Variants in PGM5 observed in about 807,000 individuals in gnomAD.
The protein encoded by PGM5 is phosphoglucomutase-like protein 5.
Under a neutral mutation model 59.2 loss-of-function variants are expected in PGM5, and 23 were observed. The observed-to-expected ratio is 0.39, with a 90% CI of 0.28 to 0.55. The LOEUF is 0.55. PGM5 is among the 20% of genes least tolerant of loss of function. The probability of loss-of-function intolerance (pLI) is 0.66; values close to 1 mark genes in which losing one functional copy is unlikely to be tolerated. For synonymous variants in PGM5, 214 were observed against 286.0 expected (o/e 0.75, Z 2.54); for missense variants, 574 against 748.3 (o/e 0.77, Z 2.72).
intron 6 of PGM5, among the ~76,000 whole-genome samples, chr9:68,434,024 A>G (rs1045726925): frequency 6.6e-6 from 1 of 152,096 alleles, no homozygotes; most frequent in Non-Finnish European, 1.5e-5. Flanking sequence ...AACGCATAAA[A>G]TATCAAAGTG....
chr9:68,395,032 T>C (rs1587790056), intron 6 of PGM5, among the ~76,000 whole-genome samples: 1 of 152,176 alleles, frequency 6.6e-6, no homozygotes, highest in African/African-American at 2.4e-5. Context: ...ATATATGTCT[T>C]TGTCAACTAC....
chr9:68,430,844 T>C (rs929833489), intron 6 of PGM5, among the ~76,000 whole-genome samples: 1 of 152,264 alleles, frequency 6.6e-6, no homozygotes, highest in Non-Finnish European at 1.5e-5. Context: ...TTTTGTTACA[T>C]GGTTCTTTCT....
chr9:68,491,464 A>G (rs934779226), intron 9 of PGM5, among the ~76,000 whole-genome samples: 1 of 152,166 alleles, frequency 6.6e-6, no homozygotes, highest in Non-Finnish European at 1.5e-5. Context: ...GGCATTCTCA[A>G]TGGGATGCTA....
At chr9:68,376,267 T>C (rs1298938098) in intron 1 of PGM5, among the ~76,000 whole-genome samples, 1 of 152,214 alleles carries the variant, frequency 6.6e-6, no homozygotes, top group Non-Finnish European at 1.5e-5. Flanking sequence ...CTAAGCTCCC[T>C]TAGCTATTAT....
chr9:68,421,584 G>A (rs1823130220), intron 6 of PGM5, among the ~76,000 whole-genome samples: 1 of 152,028 alleles, frequency 6.6e-6, no homozygotes, highest in African/African-American at 2.4e-5. Context: ...AGGCATGGTG[G>A]TGCGTGCCTG....
At chr9:68,469,626 A>G (rs7022536) in intron 7 of PGM5, among the ~76,000 whole-genome samples, 3,491 of 152,168 alleles carry the variant, frequency 0.023, 103 homozygotes, top group African/African-American at 0.071. Flanking sequence ...CAGTCTTTTG[A>G]GGTTTGCTGG....
At chr9:68,441,238 CT>C (rs1823524882) in intron 6 of PGM5, among the ~76,000 whole-genome samples, 1 of 151,884 alleles carries the variant, frequency 6.6e-6, no homozygotes, top group Non-Finnish European at 1.5e-5. Flanking sequence ...TAAATAATAT[CT>C]TCCAGAAAAA....
chr9:68,525,064 G>T (rs1046241613), intron 10 of PGM5, among the ~76,000 whole-genome samples: 7 of 151,824 alleles, frequency 4.6e-5, no homozygotes, highest in Admixed American at 2.6e-4. Context: ...CTCTCCAATT[G>T]CCCCAGGAAA....
chr9:68,502,363 T>C (rs923784), intron 10 of PGM5, among the ~76,000 whole-genome samples: 66,346 of 152,096 alleles, frequency 0.44, 15,746 homozygotes, highest in Non-Finnish European at 0.52. Flanking sequence ...CCAGAAACAG[T>C]ACAATTGTTT....
chr9:68,378,702 T>A (rs1384470030), intron 2 of PGM5, among the ~76,000 whole-genome samples: 2 of 152,228 alleles, frequency 1.3e-5, no homozygotes, highest in Non-Finnish European at 2.9e-5. Flanking sequence ...ATCAAAGGCC[T>A]GAGAGGCTGA....
chr9:68,439,747 G>A (rs371332886), intron 6 of PGM5, among the ~76,000 whole-genome samples: 6 of 151,108 alleles, frequency 4.0e-5, no homozygotes, highest in East Asian at 3.9e-4. Context: ...GACATGGAAC[G>A]TGTATGGCAG....
At chr9:68,524,493 A>G (rs1467754457) in intron 10 of PGM5, among the ~76,000 whole-genome samples, 1 of 152,252 alleles carries the variant, frequency 6.6e-6, no homozygotes, top group Non-Finnish European at 1.5e-5. Flanking sequence ...CTGGAATTAG[A>G]AAAAACAATG....
intron 6 of PGM5, chr9:68,400,637 A>T (rs148207721): frequency 6.6e-6 from 1 of 152,650 alleles, no homozygotes; most frequent in Non-Finnish European, 1.5e-5. Context: ...AGAAAAATAT[A>T]CCTGACTAAT....
intron 6 of PGM5, among the ~76,000 whole-genome samples, chr9:68,424,559 A>G (rs1424740499): frequency 6.6e-6 from 1 of 152,210 alleles, no homozygotes; most frequent in Non-Finnish European, 1.5e-5. Context: ...CAACATGTGA[A>G]TTTTGGGTCA....
intron 1 of PGM5, among the ~76,000 whole-genome samples, chr9:68,376,864 T>TCTTTCTC (rs1554677806): frequency 8.7e-6 from 1 of 115,220 alleles, no homozygotes; most frequent in East Asian, 2.4e-4. Flanking sequence ...TTTCTTTCTT[T>TCTTTCTC]TTTCTTTCTC....
At chr9:68,438,150 G>C (rs956797473) in intron 6 of PGM5, among the ~76,000 whole-genome samples, 2 of 151,732 alleles carry the variant, frequency 1.3e-5, no homozygotes, top group African/African-American at 4.8e-5. Flanking sequence ...TTAGCTGAGC[G>C]TGGTGGCACA....
At chr9:68,471,671 G>T (rs1824021003) in intron 7 of PGM5, among the ~76,000 whole-genome samples, 1 of 151,352 alleles carries the variant, frequency 6.6e-6, no homozygotes, top group African/African-American at 2.4e-5. Context: ...TGTAATCCCA[G>T]CACTTTGGGA....
At chr9:68,486,484 C>G (rs1018100704) in intron 9 of PGM5, among the ~76,000 whole-genome samples, 1 of 152,202 alleles carries the variant, frequency 6.6e-6, no homozygotes, top group African/African-American at 2.4e-5. Flanking sequence ...CTTTCTGTCT[C>G]TATGGATTCG....
intron 7 of PGM5, among the ~76,000 whole-genome samples, chr9:68,469,027 C>T (rs1554686061): frequency 6.6e-6 from 1 of 152,166 alleles, no homozygotes; most frequent in Admixed American, 6.5e-5. Flanking sequence ...AGGTGATTCT[C>T]ATGCCTCAGC....
Sources: gnomAD v4.1 joint callset for allele counts (sites outside exome capture counted in the v4.1 genomes callset) on GRCh38, gnomAD v4.1.1 for gene constraint, MANE v1.5 for transcripts, NCBI Gene and HGNC (gene_info 2026-07-23, HGNC 2026-07-21) for gene names.